Variants in KIAA1217 observed in about 807,000 individuals in gnomAD.
The protein encoded by KIAA1217 is sickle tail protein homolog.
In KIAA1217, 88 loss-of-function variants were observed where a neutral mutation model predicts 163.9. The ratio of observed to expected loss-of-function variants is 0.54; its 90% CI spans 0.45 to 0.64. The LOEUF is 0.64. KIAA1217 is among the 30% of genes least tolerant of loss of function. The pLI, the probability that KIAA1217 is intolerant of heterozygous loss-of-function variation, is 0.00. For synonymous variants in KIAA1217, 903 were observed against 923.1 expected (o/e 0.98, Z 0.39); for missense variants, 2,372 against 2,475.0 (o/e 0.96, Z 0.88).
chr10:24,537,760 T>A (rs2074252556), intron 17 of KIAA1217, among the ~76,000 whole-genome samples: 1 of 152,120 alleles, frequency 6.6e-6, no homozygotes. Context: ...CCTTCCAAGA[T>A]AGTAAGTTCA....
rs59294561 is a variant in KIAA1217, at chr10:24,390,836, C to T, written c.553+9769C>T. On this transcript the variant is annotated intron_variant, in intron 3 of 20. Coordinates refer to ENST00000376454, the MANE Select transcript of KIAA1217 (RefSeq NM_019590.5). ...AGCATCCCCCCAGTTTGTCCTTTAT[C>T]AACTAGGATTTTCATATATGAGGCT... 9.4e-3 allele frequency among the ~76,000 whole-genome samples: 1,436 copies of T among 152,244 alleles called. 48 individuals are homozygous for T. The East Asian group carries it at 0.1, about 11-fold the overall frequency.
intron 1 of KIAA1217, among the ~76,000 whole-genome samples, chr10:23,975,279 C>T (rs1030881104): frequency 2.6e-5 from 4 of 152,128 alleles, no homozygotes; most frequent in East Asian, 1.9e-4. Context: ...TCTGGCTCCC[C>T]GCACTCCTTT....
chr10:23,896,627 C>G (rs1841714925), intron 1 of KIAA1217, among the ~76,000 whole-genome samples: 2 of 151,984 alleles, frequency 1.3e-5, no homozygotes, highest in Non-Finnish European at 2.9e-5. Flanking sequence ...AAACAAAAAC[C>G]TCATGTTTCA....
chr10:24,163,203 G>C (rs2065196540), intron 2 of KIAA1217, among the ~76,000 whole-genome samples: 1 of 152,190 alleles, frequency 6.6e-6, no homozygotes, highest in Admixed American at 6.5e-5. Context: ...ACACTTTTTA[G>C]AGGTACTGCA....
At chr10:24,387,752 C>T (rs1192825561) in intron 3 of KIAA1217, among the ~76,000 whole-genome samples, 1 of 152,086 alleles carries the variant, frequency 6.6e-6, no homozygotes, top group Non-Finnish European at 1.5e-5. Context: ...CATTCCTATA[C>T]ACCAATAACA....
At chr10:23,966,363 G>A (rs1007079985) in intron 1 of KIAA1217, among the ~76,000 whole-genome samples, 4 of 152,168 alleles carry the variant, frequency 2.6e-5, no homozygotes, top group African/African-American at 9.7e-5. Context: ...AAGTCTCTAA[G>A]AGAGCACTGT....
At chr10:24,496,561 G>A (rs1370395960) in intron 8 of KIAA1217, among the ~76,000 whole-genome samples, 1 of 152,018 alleles carries the variant, frequency 6.6e-6, no homozygotes, top group Non-Finnish European at 1.5e-5. Flanking sequence ...GCTTTATAGA[G>A]AAGAAGAAGA....
intron 2 of KIAA1217, among the ~76,000 whole-genome samples, chr10:24,050,719 G>C (rs1030372157): frequency 1.3e-5 from 2 of 152,072 alleles, no homozygotes; most frequent in African/African-American, 4.8e-5. Flanking sequence ...TTGTAGTATA[G>C]TTTGAAGTAA....
intron 1 of KIAA1217, among the ~76,000 whole-genome samples, chr10:23,769,620 AAGAC>A (rs1180201974): frequency 6.6e-6 from 1 of 152,216 alleles, no homozygotes; most frequent in African/African-American, 2.4e-5. Context: ...GGAATGAACA[AAGAC>A]AGCTTAAAGA....
intron 2 of KIAA1217, among the ~76,000 whole-genome samples, chr10:24,014,595 T>C (rs1366805756): frequency 1.3e-5 from 2 of 152,148 alleles, no homozygotes; most frequent in African/African-American, 4.8e-5. Context: ...ACATGATAAA[T>C]TGTACCATTT....
intron 9 of KIAA1217, 126 bp downstream of exon 9, chr10:24,501,671 C>A: frequency 1.5e-6 from 1 of 648,994 alleles, no homozygotes; most frequent in Non-Finnish European, 2.5e-6. Context: ...TCCTCTCTCA[C>A]ACACACAATC....
chr10:24,502,297 CTA>C (rs1340025472), intron 9 of KIAA1217, among the ~76,000 whole-genome samples: 1 of 122,398 alleles, frequency 8.2e-6, no homozygotes, highest in Non-Finnish European at 1.6e-5. Flanking sequence ...GTATTTAGAA[CTA>C]TGAGTTTAGA....
intron 1 of KIAA1217, among the ~76,000 whole-genome samples, chr10:23,717,819 T>G (rs751490141): frequency 6.6e-6 from 1 of 152,146 alleles, no homozygotes; most frequent in African/African-American, 2.4e-5. Context: ...GTGACATCAT[T>G]AACTTTTTCT....
intron 1 of KIAA1217, among the ~76,000 whole-genome samples, chr10:24,218,284 C>G (rs1715279128): frequency 6.6e-6 from 1 of 152,122 alleles, no homozygotes; most frequent in South Asian, 2.1e-4. Flanking sequence ...ATGCTCCCCA[C>G]TCTCAGCATT....
chr10:24,118,069 A>G (rs187915157), intron 2 of KIAA1217, among the ~76,000 whole-genome samples: 1 of 151,994 alleles, frequency 6.6e-6, no homozygotes, highest in African/African-American at 2.4e-5. Flanking sequence ...CGGGGTGACC[A>G]AATCATCTGT....
chr10:24,164,543 A>G (rs2065258615), intron 2 of KIAA1217, among the ~76,000 whole-genome samples: 1 of 152,216 alleles, frequency 6.6e-6, no homozygotes, highest in Non-Finnish European at 1.5e-5. Flanking sequence ...TGGGCACTCA[A>G]TAAATATTTG....
intron 1 of KIAA1217, among the ~76,000 whole-genome samples, chr10:24,210,517 A>G (rs1046119391): frequency 2.1e-5 from 3 of 141,576 alleles, no homozygotes; most frequent in African/African-American, 8.0e-5. Context: ...CAGGAATTCA[A>G]CCTCTGGGCC....
chr10:23,866,463 A>T (rs899941520), intron 1 of KIAA1217, among the ~76,000 whole-genome samples: 1 of 152,166 alleles, frequency 6.6e-6, no homozygotes, highest in East Asian at 1.9e-4. Context: ...GTACACCCAC[A>T]ATTTATTATA....
chr10:24,181,100 G>A (rs766261705), intron 2 of KIAA1217, among the ~76,000 whole-genome samples: 54 of 152,240 alleles, frequency 3.5e-4, no homozygotes, highest in Non-Finnish European at 3.5e-4. Context: ...CTGGGATACA[G>A]TAGTGAGTCT....
Sources: allele counts gnomAD v4.1 joint callset (sites outside exome capture counted in the v4.1 genomes callset), GRCh38; gene constraint gnomAD v4.1.1; transcripts MANE v1.5; gene names NCBI Gene and HGNC (gene_info 2026-07-23, HGNC 2026-07-21).